Variants in FGGY observed in about 807,000 individuals in gnomAD.
FGGY encodes the protein FGGY carbohydrate kinase domain containing, also known as FGGY carbohydrate kinase domain-containing protein.
Under a neutral mutation model 71.3 loss-of-function variants are expected in FGGY, and 72 were observed. The observed-to-expected ratio is 1.01, with a 90% CI of 0.84 to 1.23. FGGY has a LOEUF of 1.23. FGGY is among the 50% of genes most tolerant of loss of function. FGGY has a pLI of 0.00. For synonymous variants in FGGY, 251 were observed against 250.3 expected, an observed-to-expected ratio of 1.00 and a Z score of -0.02; for missense variants, 668 against 682.3, an observed-to-expected ratio of 0.98 and a Z score of 0.23.
At chr1:59,579,120 A>C (rs147626853) in intron 8 of FGGY, among the ~76,000 whole-genome samples, 1 of 152,092 alleles carries the variant, frequency 6.6e-6, no homozygotes, top group Non-Finnish European at 1.5e-5. Context: ...TCCTAAATCC[A>C]GTAGTCCTCA....
intron 9 of FGGY, among the ~76,000 whole-genome samples, chr1:59,612,881 AG>A (rs2096705016): frequency 6.6e-6 from 1 of 152,182 alleles, no homozygotes; most frequent in Admixed American, 6.5e-5. Context: ...AAACCAACAA[AG>A]ATCAAAAGAG....
At chr1:59,725,873 T>TTTTC (rs142767500) in intron 14 of FGGY, among the ~76,000 whole-genome samples, 3,943 of 152,174 alleles carry the variant, frequency 0.026, 70 homozygotes, top group South Asian at 0.078. Context: ...ATAAAGACAG[T>TTTTC]TTTCTTTCTT....
intron 6 of FGGY, among the ~76,000 whole-genome samples, chr1:59,506,583 G>T (rs1039083498): frequency 2.0e-5 from 3 of 152,214 alleles, no homozygotes; most frequent in African/African-American, 7.2e-5. Flanking sequence ...TGGATCACTT[G>T]AGGTCAGGAG....
chr1:59,619,799 G>T (rs2096790933), intron 9 of FGGY, among the ~76,000 whole-genome samples: 1 of 152,088 alleles, frequency 6.6e-6, no homozygotes, highest in Admixed American at 6.6e-5. Flanking sequence ...TGCCTACTGT[G>T]TTGCTGATTG....
At chr1:59,415,355 A>G (rs2064215310) in intron 5 of FGGY, among the ~76,000 whole-genome samples, 1 of 152,136 alleles carries the variant, frequency 6.6e-6, no homozygotes, top group South Asian at 2.1e-4. Context: ...TCTTCATTAT[A>G]TTTTTCTGTA....
At chr1:59,381,089 A>G (rs1490747414) in intron 5 of FGGY, among the ~76,000 whole-genome samples, 9 of 152,290 alleles carry the variant, frequency 5.9e-5, no homozygotes, top group Non-Finnish European at 1.2e-4. Flanking sequence ...TTTGTCAAAG[A>G]TCAGATGGTT....
intron 3 of FGGY, among the ~76,000 whole-genome samples, chr1:59,342,731 C>A (rs901187330): frequency 1.3e-5 from 2 of 152,124 alleles, no homozygotes; most frequent in African/African-American, 4.8e-5. Flanking sequence ...TTGTGAGGAG[C>A]AGAGAGTGGG....
At chr1:59,459,835 A>C (rs1231685731) in intron 6 of FGGY, among the ~76,000 whole-genome samples, 2 of 152,228 alleles carry the variant, frequency 1.3e-5, no homozygotes, top group African/African-American at 4.8e-5. Flanking sequence ...CTATTGGGGT[A>C]GCCCACTTTA....
At chr1:59,732,249 A>G (rs1016811747) in intron 14 of FGGY, among the ~76,000 whole-genome samples, 9 of 152,116 alleles carry the variant, frequency 5.9e-5, no homozygotes, top group South Asian at 2.1e-4. Flanking sequence ...TCTCCCCGCC[A>G]TGTACATATG....
chr1:59,377,279 C>T (rs968941420), intron 4 of FGGY, among the ~76,000 whole-genome samples: 2 of 152,070 alleles, frequency 1.3e-5, no homozygotes, highest in Non-Finnish European at 2.9e-5. Flanking sequence ...AAAACATACC[C>T]GAGACTGGGT....
At chr1:59,385,858 G>C (rs1353036308) in intron 5 of FGGY, among the ~76,000 whole-genome samples, 1 of 152,088 alleles carries the variant, frequency 6.6e-6, no homozygotes. Flanking sequence ...AAGATTAACT[G>C]AGTGAACAGA....
At chr1:59,402,096 G>A (rs1571666211) in intron 5 of FGGY, among the ~76,000 whole-genome samples, 2 of 152,218 alleles carry the variant, frequency 1.3e-5, no homozygotes, top group East Asian at 3.8e-4. Context: ...GCAGGAAGTG[G>A]TAGCTAATGA....
chr1:59,669,150 C>T (rs911175636), intron 13 of FGGY, among the ~76,000 whole-genome samples: 4 of 152,158 alleles, frequency 2.6e-5, no homozygotes, highest in Non-Finnish European at 5.9e-5. Context: ...GAAATCGGTG[C>T]CCCCATCTTA....
chr1:59,667,454 G>T, intron 13 of FGGY, 51 bp downstream of exon 13: 1 of 1,602,460 alleles, frequency 6.2e-7, no homozygotes, highest in Non-Finnish European at 8.5e-7. Context: ...GGCAGCAAAT[G>T]GGCATGGCCA....
intron 14 of FGGY, among the ~76,000 whole-genome samples, chr1:59,702,954 A>G (rs2097722112): frequency 1.3e-5 from 2 of 152,046 alleles, no homozygotes; most frequent in South Asian, 4.1e-4. Flanking sequence ...TTAACCACCT[A>G]TGTTGGACAC....
intron 5 of FGGY, among the ~76,000 whole-genome samples, chr1:59,403,242 C>T (rs1200605299): frequency 2.0e-5 from 3 of 152,292 alleles, no homozygotes; most frequent in Non-Finnish European, 4.4e-5. Flanking sequence ...CTCTATAAAT[C>T]ATACCAGAGA....
At chr1:59,672,107 A>G (rs2097384482) in intron 13 of FGGY, among the ~76,000 whole-genome samples, 1 of 152,170 alleles carries the variant, frequency 6.6e-6, no homozygotes, top group Admixed American at 6.5e-5. Context: ...CATCTGTATC[A>G]TTCCTAGGAT....
intron 14 of FGGY, among the ~76,000 whole-genome samples, chr1:59,682,494 C>T (rs2097510395): frequency 1.3e-5 from 2 of 152,154 alleles, no homozygotes; most frequent in Admixed American, 6.5e-5. Flanking sequence ...GAGAATGTGA[C>T]CCTCGGGTTT....
At chr1:59,478,626 GTT>G (rs2093358079) in intron 6 of FGGY, among the ~76,000 whole-genome samples, 1 of 152,126 alleles carries the variant, frequency 6.6e-6, no homozygotes, top group African/African-American at 2.4e-5. Flanking sequence ...AAGATAATGA[GTT>G]TGTGCCTTTG....
Sources: allele counts gnomAD v4.1 joint callset (sites outside exome capture counted in the v4.1 genomes callset), GRCh38; gene constraint gnomAD v4.1.1; transcripts MANE v1.5; gene names NCBI Gene and HGNC (gene_info 2026-07-23, HGNC 2026-07-21).